The following NF1 variants were observed in gnomAD, a reference collection of about 807,000 sequenced individuals.
The protein encoded by NF1 is neurofibromin.
In NF1, 122 loss-of-function variants were observed where a neutral mutation model predicts 325.7. That is an observed-to-expected ratio of 0.37 (90% confidence interval 0.32 to 0.44). The LOEUF (loss-of-function observed/expected upper bound fraction) is 0.44, where lower values mean the gene tolerates loss of function less well. Ranked by LOEUF, NF1 falls within the 20% of genes least tolerant of loss-of-function variation. NF1 has a pLI of 1.00. For missense variants in NF1, 2,140 were observed against 3,415.4 expected, an observed-to-expected ratio of 0.63 and a Z score of 9.31; for synonymous variants, 1,091 against 1,186.0, an observed-to-expected ratio of 0.92 and a Z score of 1.65.
intron 36 of NF1, 50 bp downstream of exon 36, chr17:31,265,389 G>C (rs2151470512): frequency 7.3e-7 from 1 of 1,361,118 alleles, no homozygotes; most frequent in Non-Finnish European, 1.0e-6. Context: ...TTAAATTATA[G>C]CAAATATAGA....
chr17:31,186,276 G>T (rs371377960), intron 8 of NF1, among the ~76,000 whole-genome samples: 3 of 152,132 alleles, frequency 2.0e-5, no homozygotes, highest in Non-Finnish European at 2.9e-5. Context: ...CCTATGATCA[G>T]TTGGCAGAGG....
intron 36 of NF1, chr17:31,304,796 G>T (rs1597800275): frequency 1.1e-5 from 18 of 1,613,990 alleles, no homozygotes; most frequent in Non-Finnish European, 1.5e-5. Flanking sequence ...CAGGGTGTAA[G>T]TGAAATGATT....
chr17:31,165,212 A>G (rs555764454), intron 4 of NF1, among the ~76,000 whole-genome samples: 1 of 152,358 alleles, frequency 6.6e-6, no homozygotes, highest in African/African-American at 2.4e-5. Context: ...GCATTAGCAC[A>G]TGTAAAAATA....
chr17:31,139,569 G>A (rs1873418634), intron 1 of NF1, among the ~76,000 whole-genome samples: 1 of 152,140 alleles, frequency 6.6e-6, no homozygotes, highest in South Asian at 2.1e-4. Flanking sequence ...TGAGATAATT[G>A]GAAGCTCATG....
rs17880521 is a variant in NF1 at position 31,325,913 on chromosome 17, G to A, written c.4929G>A (p.Val1643=). The change falls in exon 37 of 58, where the codon GTG becomes GTA. Residue 1643 remains valine (V), a synonymous_variant. Coordinates refer to ENST00000358273, the MANE Select transcript of NF1 (RefSeq NM_001042492.3). ...PYYAKPYEIV[V]DLTHTGPSNR... ...ATGCAAAGCCATATGAAATTGTAGT[G>A]GACCTTACCCATACCGGGCCTAGCA... is the stretch of plus-strand genomic sequence containing the variant. 4.6e-3 allele frequency: 7,382 copies of A among 1,614,072 alleles called. 86 individuals are homozygous for A. Among genetic ancestry groups the A allele is most frequent in the African/African-American group, 0.045 (3,382 of 75,002 alleles).
chr17:31,229,793 G>A (rs759506949), intron 21 of NF1, 42 bp from the exon 22 acceptor site: 1 of 1,609,328 alleles, frequency 6.2e-7, no homozygotes, highest in South Asian at 1.1e-5. Flanking sequence ...CTGTCTTCTG[G>A]GCATTGATGG....
intron 31 of NF1, chr17:31,254,274 A>C (rs531643592): frequency 8.4e-5 from 5 of 59,186 alleles, no homozygotes; most frequent in African/African-American, 2.2e-4. Context: ...CCTGTCTCAC[A>C]AAAAAAAAAA....
chr17:31,206,928 G>A (rs2066634799), intron 12 of NF1, among the ~76,000 whole-genome samples: 1 of 152,082 alleles, frequency 6.6e-6, no homozygotes, highest in Non-Finnish European at 1.5e-5. Flanking sequence ...ATAAAAAGCA[G>A]ACTTAAAATT....
intron 4 of NF1, among the ~76,000 whole-genome samples, chr17:31,164,452 A>G (rs1436163510): frequency 6.6e-6 from 1 of 152,266 alleles, no homozygotes; most frequent in Non-Finnish European, 1.5e-5. Flanking sequence ...AAGTAAAGTC[A>G]GATGGGTTAT....
intron 36 of NF1, among the ~76,000 whole-genome samples, chr17:31,276,559 G>A (rs1385512199): frequency 6.6e-6 from 1 of 152,158 alleles, no homozygotes; most frequent in African/African-American, 2.4e-5. Flanking sequence ...TTTATTTGGT[G>A]CAAATGCCTT....
At chr17:31,158,945 G>T (rs1400968155) in intron 2 of NF1, 65 bp from the exon 3 acceptor site, 2 of 923,068 alleles carry the variant, frequency 2.2e-6, no homozygotes, top group Admixed American at 3.5e-5. Context: ...TCACTTTTCA[G>T]ATGTGTGTTG....
chr17:31,142,565 T>C (rs1049902000), intron 1 of NF1, among the ~76,000 whole-genome samples: 1 of 152,102 alleles, frequency 6.6e-6, no homozygotes, highest in African/African-American at 2.4e-5. Flanking sequence ...CTTTAAAAAT[T>C]ATTAATGAGG....
chr17:31,264,879 A>G (rs1214166407), intron 35 of NF1, among the ~76,000 whole-genome samples: 5 of 152,226 alleles, frequency 3.3e-5, no homozygotes, highest in East Asian at 3.8e-4. Context: ...GAGCAAAGCA[A>G]GGCCTTTTTC....
intron 36 of NF1, among the ~76,000 whole-genome samples, chr17:31,311,806 C>G (rs941192252): frequency 2.0e-5 from 3 of 152,148 alleles, no homozygotes; most frequent in Non-Finnish European, 2.9e-5. Context: ...TTCTTTCTAT[C>G]ACATTTCACT....
Position 31,350,334 on chromosome 17 carries a change from C to T in NF1, c.7457+16C>T, listed in dbSNP as rs571308300. On this transcript the variant is annotated intron_variant, in intron 50 of 57. Coordinates refer to ENST00000358273, the MANE Select transcript of NF1 (RefSeq NM_001042492.3). The stretch of plus-strand genomic sequence containing the variant: ...CTTCCTATAGGTAAGTGGATTTACT[C>T]TCCTATAATTACATAATCATAATCA... 6 of 1,604,398 alleles carry T rather than the reference C, an allele frequency of 3.7e-6. No individual in the cohort carries two copies. Among genetic ancestry groups the T allele is most frequent in the Non-Finnish European group, 5.1e-6 (6 of 1,172,220 alleles).
At chr17:31,257,858 A>C (rs1392407992) in intron 31 of NF1, 1 of 152,418 alleles carries the variant, frequency 6.6e-6, no homozygotes, top group African/African-American at 2.4e-5. Flanking sequence ...TTTTTTCTTA[A>C]ATTCAATTGT....
At chr17:31,364,609 C>A (rs1436310088) in intron 57 of NF1, among the ~76,000 whole-genome samples, 1 of 152,236 alleles carries the variant, frequency 6.6e-6, no homozygotes, top group East Asian at 1.9e-4. Flanking sequence ...TAGTCACTTA[C>A]ATAAAGCAAT....
chr17:31,310,261 G>T (rs997840172), intron 36 of NF1, among the ~76,000 whole-genome samples: 3 of 151,610 alleles, frequency 2.0e-5, no homozygotes, highest in East Asian at 3.9e-4. Context: ...TAACACAAAA[G>T]AGAAAAAACA....
At position 31,237,508 on chromosome 17, in the gene NF1, C is replaced by G. The variant is rs149561337; in HGVS notation, c.3974+1487C>G. On this transcript the variant is annotated intron_variant, in intron 29 of 57. Transcript: ENST00000358273. ...CCCAGGCTGGTCTCAAACTCCTAGA[C>G]TAAAGAGATCCACATGCTGTGGCCT... Among the ~76,000 whole-genome samples the G allele has an allele frequency of 7.6e-3, 1,163 of 152,224 alleles. 19 individuals carry two copies. The highest frequency in any genetic ancestry group is 0.027 in the African/African-American group (1,119 of 41,528).
Sources: allele counts gnomAD v4.1 joint callset (sites outside exome capture counted in the v4.1 genomes callset), GRCh38; gene constraint gnomAD v4.1.1; transcripts MANE v1.5; gene names NCBI Gene and HGNC (gene_info 2026-07-23, HGNC 2026-07-21).